Variants in MYO3A observed in about 807,000 individuals in gnomAD.
MYO3A encodes myosin-IIIa.
MYO3A carries 180 observed loss-of-function variants against 192.7 expected under a neutral mutation model. The observed-to-expected ratio is 0.93, with a 90% confidence interval of 0.83 to 1.06. The LOEUF is 1.06. Ranked by LOEUF, MYO3A falls within the 50% of genes least tolerant of loss-of-function variation. The probability of loss-of-function intolerance (pLI) is 0.00; values close to 1 mark genes in which losing one functional copy is unlikely to be tolerated. For synonymous variants in MYO3A, 628 were observed against 645.3 expected (o/e 0.97, Z 0.41); for missense variants, 1,896 against 1,905.0 (o/e 1.00, Z 0.09).
At chr10:26,126,266 G>A (rs947841219) in intron 19 of MYO3A, among the ~76,000 whole-genome samples, 4 of 152,058 alleles carry the variant, frequency 2.6e-5, no homozygotes, top group African/African-American at 9.7e-5. Context: ...CTAAAGCTTT[G>A]TTCTGTGATA....
chr10:26,128,118 A>G (rs1839319888), intron 19 of MYO3A, among the ~76,000 whole-genome samples: 1 of 152,114 alleles, frequency 6.6e-6, no homozygotes, highest in South Asian at 2.1e-4. Flanking sequence ...TTCTTAGGAG[A>G]AGAAAAAGTT....
At chr10:26,135,368 A>G (rs1457343120) in intron 20 of MYO3A, among the ~76,000 whole-genome samples, 1 of 151,692 alleles carries the variant, frequency 6.6e-6, no homozygotes, top group Non-Finnish European at 1.5e-5. Context: ...AATATAAATT[A>G]TTATTTAATT....
intron 2 of MYO3A, among the ~76,000 whole-genome samples, chr10:25,950,301 A>G (rs1837128116): frequency 1.3e-5 from 2 of 152,034 alleles, no homozygotes; most frequent in Non-Finnish European, 1.5e-5. Context: ...TATTCCTTCC[A>G]TTTTTTTCAA....
At chr10:25,974,744 C>T (rs116671401) in intron 4 of MYO3A, among the ~76,000 whole-genome samples, 1,639 of 152,242 alleles carry the variant, frequency 0.011, 25 homozygotes, top group African/African-American at 0.036. Flanking sequence ...CTTAAAATGG[C>T]TCTTTATTTT....
In MYO3A at chr10:26,212,284, C is replaced by A. The variant is rs1844260978; in HGVS notation, c.*321C>A. ...CACTTTGTTCTTTTTTTTTGTGACT[C>A]CTGTGGACTCCACTGCGCCTGGGAT... is the stretch of plus-strand genomic sequence containing the variant. On this transcript the variant is annotated 3_prime_UTR_variant, in exon 35 of 35. Transcript: ENST00000642920. 1 of 426,644 alleles carries A rather than the reference C, an allele frequency of 2.3e-6. No individual in the cohort carries two copies. The highest frequency in any genetic ancestry group is 3.9e-5 in the Admixed American group (1 of 25,904). 26.4% of individuals were successfully genotyped at this position (426,644 alleles called of 1,614,324 possible).
chr10:26,168,919 T>C (rs770345168), intron 28 of MYO3A, 45 bp downstream of exon 28: 3 of 1,557,902 alleles, frequency 1.9e-6, no homozygotes, highest in Non-Finnish European at 2.6e-6. Context: ...AATCAAATCT[T>C]ATAATACTTC....
intron 4 of MYO3A, among the ~76,000 whole-genome samples, chr10:25,972,380 T>C (rs568886210): frequency 6.6e-6 from 1 of 152,270 alleles, no homozygotes; most frequent in East Asian, 1.9e-4. Flanking sequence ...TCTAGTTCTT[T>C]AAACATATTT....
In MYO3A at chr10:26,062,515, C is replaced by CAAAAAAAAAAAAAAAAAA. The variant is rs573334201; in HGVS notation, c.954-4459_954-4442dup. Among the ~76,000 whole-genome samples the CAAAAAAAAAAAAAAAAAA allele has an allele frequency of 7.6e-4, 32 of 42,226 alleles. 4 individuals carry two copies. The highest frequency in any genetic ancestry group is 1.3e-3 in the South Asian group (1 of 796). The allele number at this position is 42,226 out of a possible 152,430, so 27.7% of individuals were successfully genotyped here. ...CTGGCGACAGAGTGAGATGCCATCT[C>CAAAAAAAAAAAAAAAAAA]AAAAAAAAAAAAAAAAAATTATGGA... On this transcript the variant is annotated intron_variant, in intron 10 of 34. Coordinates refer to ENST00000642920, the MANE Select transcript of MYO3A (RefSeq NM_017433.5).
At chr10:26,100,763 G>C (rs1837392050) in intron 17 of MYO3A, among the ~76,000 whole-genome samples, 1 of 152,196 alleles carries the variant, frequency 6.6e-6, no homozygotes, top group South Asian at 2.1e-4. Context: ...CTGAGAGACA[G>C]TTTGTTATCA....
intron 10 of MYO3A, among the ~76,000 whole-genome samples, chr10:26,053,607 C>T (rs1038518690): frequency 7.2e-5 from 11 of 152,046 alleles, no homozygotes; most frequent in Non-Finnish European, 1.0e-4. Flanking sequence ...GGGCGGATCG[C>T]GAGGTCAGGA....
chr10:26,068,858 C>T lies in MYO3A; in HGVS notation c.1144C>T (p.Gln382Ter). Residue 382 changes from glutamine to a stop codon, truncating the protein, a stop_gained, in exon 12 of 35, where the codon CAG becomes TAG. Coordinates refer to ENST00000642920, the MANE Select transcript of MYO3A (RefSeq NM_017433.5). LOFTEE classifies it high-confidence loss of function. ...GDILIALNPF[Q>*]SLGLYSTKHS... ...CATACTCATTGCTCTTAACCCTTTTCAGAGTCTGGGTCTTTACTCCACAAA... is the reference window on the plus strand; with the variant it reads ...CATACTCATTGCTCTTAACCCTTTTTAGAGTCTGGGTCTTTACTCCACAAA... The T allele has an allele frequency of 6.3e-7, 1 of 1,592,892 alleles. No homozygotes were observed. The highest frequency in any genetic ancestry group is 2.2e-5 in the East Asian group (1 of 44,728).
At chr10:26,182,059 T>A (rs966163042) in intron 31 of MYO3A, among the ~76,000 whole-genome samples, 1 of 152,202 alleles carries the variant, frequency 6.6e-6, no homozygotes, top group Non-Finnish European at 1.5e-5. Flanking sequence ...TGTAAGTAAT[T>A]CAGCTTAATC....
chr10:26,103,560 T>C (rs1289796138), intron 17 of MYO3A, among the ~76,000 whole-genome samples: 1 of 152,210 alleles, frequency 6.6e-6, no homozygotes, highest in Non-Finnish European at 1.5e-5. Context: ...ATTTTATGGG[T>C]ATACTTCATG....
intron 7 of MYO3A, 43 bp from the exon 8 acceptor site, chr10:26,021,459 TA>T (rs1842296497): frequency 6.2e-7 from 1 of 1,602,278 alleles, no homozygotes; most frequent in Non-Finnish European, 8.6e-7. Flanking sequence ...ACATGCTTGT[TA>T]AAGTCACAAA....
chr10:26,175,477 G>A (rs1335655084), intron 30 of MYO3A, among the ~76,000 whole-genome samples: 6 of 152,118 alleles, frequency 3.9e-5, no homozygotes, highest in African/African-American at 1.4e-4. Flanking sequence ...ATCATAATGG[G>A]TTAGTTCCAA....
At chr10:26,009,233 TG>T (rs1841455722) in intron 6 of MYO3A, among the ~76,000 whole-genome samples, 1 of 138,764 alleles carries the variant, frequency 7.2e-6, no homozygotes, top group East Asian at 2.0e-4. Context: ...GTTGTGGGGT[TG>T]GGGGAGGGAG....
chr10:26,165,932 A>T (rs758092253), intron 26 of MYO3A, 135 bp from the exon 27 acceptor site: 3 of 793,064 alleles, frequency 3.8e-6, no homozygotes, highest in Non-Finnish European at 6.7e-6. Context: ...TGTTCTGAGG[A>T]TGCCTAAAGG....
intron 17 of MYO3A, among the ~76,000 whole-genome samples, chr10:26,114,482 A>G (rs576524175): frequency 1.3e-5 from 2 of 152,114 alleles, no homozygotes; most frequent in African/African-American, 4.8e-5. Context: ...TGGCTTTTGG[A>G]AAAAAAACAA....
chr10:26,153,929 G>A lies in MYO3A; in HGVS notation c.2715G>A (p.Lys905=), dbSNP rs755762958. 3.2e-6 allele frequency: 5 copies of A among 1,582,352 alleles called. No individual in the cohort carries two copies. The South Asian group carries it at 4.4e-5, about 14-fold the overall frequency. Residue 905 remains lysine, a splice_region_variant and synonymous_variant, in exon 24 of 35, where the codon AAG becomes AAA. Transcript: ENST00000642920. ...RTSEKLINLA[K]GDTGEATRHA... Reference sequence around the variant, plus strand: ...CAGAAAAATTAATCAACCTGGCAAAGGTAAGAAAATGCTTTTTTTCTTGGC... The same window carrying A: ...CAGAAAAATTAATCAACCTGGCAAAAGTAAGAAAATGCTTTTTTTCTTGGC...
Sources: gnomAD v4.1 joint callset for allele counts (sites outside exome capture counted in the v4.1 genomes callset) on GRCh38, gnomAD v4.1.1 for gene constraint, MANE v1.5 for transcripts, NCBI Gene and HGNC (gene_info 2026-07-23, HGNC 2026-07-21) for gene names.